The following NMNAT1 variants were observed in gnomAD, a reference collection of about 807,000 sequenced individuals.
NMNAT1 encodes the protein nicotinamide/nicotinic acid mononucleotide adenylyltransferase 1.
A neutral mutation model predicts 16.7 loss-of-function variants in NMNAT1; 11 were observed. That is an observed-to-expected ratio of 0.66 (90% confidence interval 0.41 to 1.09). The LOEUF (loss-of-function observed/expected upper bound fraction) is 1.09. Among genes scored for constraint, NMNAT1 ranks in the 50% least tolerant of loss-of-function variants. The probability of loss-of-function intolerance (pLI) is 0.00; values close to 1 mark genes in which losing one functional copy is unlikely to be tolerated. For missense variants in NMNAT1, 280 were observed against 332.3 expected (o/e 0.84, Z 1.22); for synonymous variants, 110 against 119.8 (o/e 0.92, Z 0.53).
At chr1:9,946,419 C>T (rs1316157906) in intron 1 of NMNAT1, among the ~76,000 whole-genome samples, 1 of 152,164 alleles carries the variant, frequency 6.6e-6, no homozygotes, top group Non-Finnish European at 1.5e-5. Flanking sequence ...CAGATAAATG[C>T]TCCTTGGCAG....
At chr1:9,988,659 G>A (rs902957981), downstream of NMNAT1, among the ~76,000 whole-genome samples, 9 of 139,274 alleles carry the variant, frequency 6.5e-5, no homozygotes, top group African/African-American at 1.9e-4. Flanking sequence ...AGCCAAGATC[G>A]CGCCACTGCA....
At chr1:9,991,140 GAAGT>G in the NMNAT1 span, among the ~76,000 whole-genome samples, 4 of 151,318 alleles carry the variant, frequency 2.6e-5, no homozygotes, top group South Asian at 4.2e-4. Context: ...TTAAGAATAG[GAAGT>G]AAGTAAGATT....
At chr1:9,953,168 G>A (rs1641157984) in intron 1 of NMNAT1, among the ~76,000 whole-genome samples, 1 of 151,616 alleles carries the variant, frequency 6.6e-6, no homozygotes, top group Non-Finnish European at 1.5e-5. Context: ...ATTTTTAGTA[G>A]AGACGGGGTT....
At chr1:9,948,605 T>C (rs147563876) in intron 1 of NMNAT1, among the ~76,000 whole-genome samples, 15 of 152,162 alleles carry the variant, frequency 9.9e-5, no homozygotes, top group East Asian at 3.9e-4. Flanking sequence ...CTTAATGACA[T>C]TGGGACCATT....
Position 9,984,671 on chromosome 1 carries a change from T to C in NMNAT1, c.*1970T>C, listed in dbSNP as rs910437912. 6.6e-6 allele frequency: 1 copy of C among 152,180 alleles called. No individual in the cohort carries two copies. The highest frequency in any genetic ancestry group is 6.6e-5 in the Admixed American group (1 of 15,266). The allele number at this position is 152,180 out of a possible 1,614,324, so 9.4% of individuals were successfully genotyped here. ...TGATGCTGGTGTTTTGTTTGGCCTGTTTGTTTGATGCTGGGGGTTTTATGT... is the reference window on the plus strand; with the variant it reads ...TGATGCTGGTGTTTTGTTTGGCCTGCTTGTTTGATGCTGGGGGTTTTATGT... On this transcript the variant is annotated 3_prime_UTR_variant, in exon 5 of 5. Coordinates refer to ENST00000377205, the MANE Select transcript of NMNAT1 (RefSeq NM_022787.4).
At chr1:9,961,031 G>T (rs1186435315) in intron 1 of NMNAT1, among the ~76,000 whole-genome samples, 1 of 152,206 alleles carries the variant, frequency 6.6e-6, no homozygotes, top group African/African-American at 2.4e-5. Flanking sequence ...GGCTCTGAAG[G>T]TTTAGAGTCT....
chr1:9,944,987 A>G (rs756286673), intron 1 of NMNAT1, among the ~76,000 whole-genome samples: 3 of 152,218 alleles, frequency 2.0e-5, no homozygotes, highest in Non-Finnish European at 2.9e-5. Flanking sequence ...TAATCCCAGC[A>G]CTTTGGGAGG....
At chr1:9,955,577 C>A (rs575697374) in intron 1 of NMNAT1, among the ~76,000 whole-genome samples, 10 of 152,168 alleles carry the variant, frequency 6.6e-5, no homozygotes, top group Admixed American at 5.2e-4. Context: ...TGCCCTCCAG[C>A]CTGGGCAAAA....
intron 1 of NMNAT1, among the ~76,000 whole-genome samples, chr1:9,965,315 CAAAAAAA>C (rs1183019689): frequency 5.8e-5 from 3 of 51,436 alleles, no homozygotes; most frequent in Admixed American, 4.1e-4. Context: ...GACTCCATCT[CAAAAAAA>C]AAAAAAAAAA....
chr1:9,994,648 T>C, the NMNAT1 span, among the ~76,000 whole-genome samples: 4 of 143,126 alleles, frequency 2.8e-5, no homozygotes, highest in Non-Finnish European at 4.5e-5. Flanking sequence ...AGTCTTGCTC[T>C]GTCCCCCAGG....
At chr1:9,981,207 G>A in intron 4 of NMNAT1, 37 bp downstream of exon 4, 1 of 1,582,934 alleles carries the variant, frequency 6.3e-7, no homozygotes, top group Non-Finnish European at 8.6e-7. Context: ...GACTAGAGTT[G>A]ATAAGATTCT....
rs1338185381 is a variant in NMNAT1 at position 9,953,172 on chromosome 1, CG to C, written c.-57+9661del. On this transcript the variant is annotated intron_variant, in intron 1 of 4. Coordinates refer to ENST00000377205, the MANE Select transcript of NMNAT1 (RefSeq NM_022787.4). ...ATTTTTTTTGTATTTTTAGTAGAGA[CG>C]GGGTTTCACTGCATTATCCAGGATG... Among the ~76,000 whole-genome samples, 3 of 151,448 alleles carry C rather than the reference CG, an allele frequency of 2.0e-5. No homozygotes were observed. In the East Asian group the frequency reaches 5.9e-4, roughly 30 times the overall value.
the NMNAT1 span, among the ~76,000 whole-genome samples, chr1:9,993,153 A>C: frequency 6.6e-6 from 1 of 152,008 alleles, no homozygotes; most frequent in African/African-American, 2.4e-5. Flanking sequence ...TGTGAACCTA[A>C]CCATGAGAGA....
chr1:9,972,307 G>A (rs760642521), intron 2 of NMNAT1, 119 bp downstream of exon 2: 14 of 657,886 alleles, frequency 2.1e-5, no homozygotes, highest in South Asian at 5.2e-5. Flanking sequence ...TCAAGAGATC[G>A]AGACCATCCT....
intron 1 of NMNAT1, among the ~76,000 whole-genome samples, chr1:9,964,929 CAAAAAAA>C (rs775381643): frequency 3.0e-5 from 1 of 33,452 alleles, no homozygotes; most frequent in Admixed American, 4.1e-4. Context: ...ACCTGGGCGA[CAAAAAAA>C]AAAAAAAAAA....
At chr1:9,957,906 A>C (rs1197038048) in intron 1 of NMNAT1, among the ~76,000 whole-genome samples, 1 of 152,160 alleles carries the variant, frequency 6.6e-6, no homozygotes, top group African/African-American at 2.4e-5. Flanking sequence ...CGTGCCTGTC[A>C]CCCTCAGCCC....
intron 4 of NMNAT1, 61 bp downstream of exon 4, chr1:9,981,231 C>A (rs1570715561): frequency 1.9e-6 from 3 of 1,563,384 alleles, no homozygotes; most frequent in Non-Finnish European, 2.6e-6. Context: ...GCTGAGCAAA[C>A]CCCTGTGTAT....
downstream of NMNAT1, among the ~76,000 whole-genome samples, chr1:9,989,167 G>T (rs997120028): frequency 3.1e-4 from 47 of 152,102 alleles, no homozygotes; most frequent in Middle Eastern, 3.4e-3. Flanking sequence ...CTGTGCCCAT[G>T]AAAACCCCAG....
chr1:9,963,235 T>C (rs6541073), intron 1 of NMNAT1, among the ~76,000 whole-genome samples: 102,482 of 151,828 alleles, frequency 0.67, 37,930 homozygotes, highest in Non-Finnish European at 0.84. Flanking sequence ...CTTTGTCCAC[T>C]GACAGCATAA....
Sources: gnomAD v4.1 joint callset for allele counts (sites outside exome capture counted in the v4.1 genomes callset) on GRCh38, gnomAD v4.1.1 for gene constraint, MANE v1.5 for transcripts, NCBI Gene and HGNC (gene_info 2026-07-23, HGNC 2026-07-21) for gene names.